Variants in NPM2 observed in about 807,000 individuals in gnomAD.
NPM2 encodes the protein nucleoplasmin-2.
In NPM2, 25 loss-of-function variants were observed where a neutral mutation model predicts 32.0. That is an observed-to-expected ratio of 0.78 (90% CI 0.57 to 1.09). NPM2 has a LOEUF of 1.09. NPM2 is among the 50% of genes least tolerant of loss of function. The pLI is 0.00. For synonymous variants in NPM2, 111 were observed against 94.2 expected, an observed-to-expected ratio of 1.18 and a Z score of -1.04; for missense variants, 282 against 259.9, an observed-to-expected ratio of 1.08 and a Z score of -0.58.
At chr8:22,028,896 T>C (rs887154391) in intron 5 of NPM2, among the ~76,000 whole-genome samples, 3 of 152,198 alleles carry the variant, frequency 2.0e-5, no homozygotes, top group African/African-American at 4.8e-5. Flanking sequence ...TGTAATTGGA[T>C]TTGTGGCATG....
At position 22,025,724 on chromosome 8, in the gene NPM2, GA is replaced by G; in HGVS notation, c.223del (p.Met75CysfsTer20). Reference protein sequence around the residue: ...LPPANQEDKKMQPVTIASLQA... With the variant: ...LPPANQEDKKXQPVTIASLQA... Reference sequence around the variant, plus strand: ...CCCCAGCAAACCAGGAGGACAAGAAGATGCAGCCGGTCACCATTGCCTCACT... The same window carrying G: ...CCCCAGCAAACCAGGAGGACAAGAAGTGCAGCCGGTCACCATTGCCTCACT... On this transcript the variant is annotated frameshift_variant, in exon 5 of 10. Coordinates refer to ENST00000518119, the MANE Select transcript of NPM2 (RefSeq NM_001286680.2). LOFTEE classifies it high-confidence loss of function. 1 of 1,614,188 alleles carries G rather than the reference GA, an allele frequency of 6.2e-7. No homozygotes were observed. Among genetic ancestry groups the G allele is most frequent in the African/African-American group, 1.3e-5 (1 of 75,038 alleles).
intron 5 of NPM2, among the ~76,000 whole-genome samples, chr8:22,028,517 A>T (rs1350457448): frequency 6.9e-6 from 1 of 145,530 alleles, no homozygotes; most frequent in Non-Finnish European, 1.5e-5. Context: ...TTTAGTAGAG[A>T]CGGGGTTTCA....
chr8:22,034,031 G>C (rs749991465), intron 6 of NPM2, 78 bp from the exon 7 acceptor site: 237 of 1,527,030 alleles, frequency 1.6e-4, no homozygotes, highest in Middle Eastern at 4.9e-4. Context: ...GGAGCAACAC[G>C]GATCACAGAA....
chr8:22,024,842 T>G lies in NPM2; in HGVS notation c.-34+12T>G, dbSNP rs927783209. ...GCGGAGCAGCGACAGTAAGGCTGTG[T>G]GGGGGGAGCTGGGACCTAAGCCGCG... On this transcript the variant is annotated intron_variant, in intron 2 of 9. Coordinates refer to ENST00000518119, the MANE Select transcript of NPM2 (RefSeq NM_001286680.2). The G allele has an allele frequency of 2.7e-5, 5 of 185,120 alleles. No homozygotes were observed. The highest frequency in any genetic ancestry group is 2.5e-4 in the South Asian group (2 of 8,078). 11.5% of individuals were successfully genotyped at this position (185,120 alleles called of 1,614,324 possible). A position where few individuals can be genotyped will look rare whatever the true frequency, so the allele number is the denominator to read the frequency against.
chr8:22,025,126 A>G, intron 2 of NPM2, 90 bp from the exon 3 acceptor site: 3 of 1,117,884 alleles, frequency 2.7e-6, no homozygotes, highest in Non-Finnish European at 3.8e-6. Context: ...GCGACCCCTC[A>G]GTACCTGCCG....
At chr8:22,035,054 G>C (rs1800574472) in intron 8 of NPM2, among the ~76,000 whole-genome samples, 2 of 152,176 alleles carry the variant, frequency 1.3e-5, no homozygotes, top group Non-Finnish European at 2.9e-5. Flanking sequence ...AGTGAGCCGA[G>C]ATCGTGCCAC....
At chr8:22,032,052 T>A (rs1175751820) in intron 5 of NPM2, among the ~76,000 whole-genome samples, 1 of 152,204 alleles carries the variant, frequency 6.6e-6, no homozygotes, top group Non-Finnish European at 1.5e-5. Flanking sequence ...TGTAAGTTAT[T>A]CACTCTAAGT....
rs775265720 is a variant in NPM2 at position 22,025,655 on chromosome 8, G to T, written c.153G>T (p.Leu51Phe). The T allele has an allele frequency of 8.1e-6, 13 of 1,614,192 alleles. No individual in the cohort carries two copies. The highest frequency in any genetic ancestry group is 1.7e-4 in the Middle Eastern group (1 of 6,060). The change falls in exon 5 of 10, where the codon TTG becomes TTT. Residue 51 changes from leucine to phenylalanine, a missense_variant. Physicochemically the swap from Leu to Phe is conservative, Grantham distance 22. Transcript: ENST00000518119. Reference sequence around the variant, plus strand: ...TTTTCAACCCCGCTCAGATTTGCTTGGGGGAGAAAGCCAAAGAGGAGATGC... The same window carrying T: ...TTTTCAACCCCGCTCAGATTTGCTTTGGGGAGAAAGCCAAAGAGGAGATGC... ...SCRLLLHTIC[L>F]GEKAKEEMHR...
At chr8:22,027,131 C>CTT (rs545524984) in intron 5 of NPM2, among the ~76,000 whole-genome samples, 5 of 151,916 alleles carry the variant, frequency 3.3e-5, no homozygotes, top group Non-Finnish European at 5.9e-5. Flanking sequence ...ATATTGAGCC[C>CTT]TTTTTTTTAC....
At chr8:22,026,454 C>CTTTTTTTTTTTTTTTTT (rs1171179196) in intron 5 of NPM2, among the ~76,000 whole-genome samples, 3 of 111,418 alleles carry the variant, frequency 2.7e-5, no homozygotes, top group Non-Finnish European at 5.4e-5. Context: ...CAGTTCTTGC[C>CTTTTTTTTTTTTTTTTT]TTTTTTTTTT....
Position 22,034,533 on chromosome 8 carries a change from A to G in NPM2, c.555A>G (p.Glu185=), listed in dbSNP as rs757125644. The stretch of plus-strand genomic sequence containing the variant: ...AGAAAAAAAAGCTGGAAAAAGAAGA[A>G]GAGGAAATAAGGTAACTCTTTCTAC... The part of the protein sequence containing the change: ...VAKKKKLEKE[E]EEIRASVRDK... Residue 185 remains glutamate (E), a synonymous_variant, in exon 8 of 10, where the codon GAA becomes GAG. Transcript: ENST00000518119. 1.2e-6 allele frequency: 2 copies of G among 1,611,630 alleles called. No homozygotes were observed. The highest frequency in any genetic ancestry group is 1.7e-5 in the Admixed American group (1 of 59,890).
chr8:22,034,081 C>G lies in NPM2; in HGVS notation c.365-28C>G, dbSNP rs376142738. 1.9e-6 allele frequency: 3 copies of G among 1,561,372 alleles called. No individual in the cohort carries two copies. In the African/African-American group the frequency reaches 4.1e-5, roughly 21 times the overall value. On this transcript the variant is annotated intron_variant, in intron 6 of 9. Transcript: ENST00000518119. ...TGATTCTGTAGCTCTGAAGCTGTGCCCCTGCATCCTTTCCCATGCTATTAC... is the reference window on the plus strand; with the variant it reads ...TGATTCTGTAGCTCTGAAGCTGTGCGCCTGCATCCTTTCCCATGCTATTAC...
Position 22,024,850 on chromosome 8 carries a change from G to A in NPM2, c.-34+20G>A, listed in dbSNP as rs527487462. 1.1e-4 allele frequency: 21 copies of A among 195,376 alleles called. No homozygotes were observed. The highest frequency in any genetic ancestry group is 5.4e-4 in the South Asian group (5 of 9,196). The allele number at this position is 195,376 out of a possible 1,614,324, so 12.1% of individuals were successfully genotyped here. A position where few individuals can be genotyped will look rare whatever the true frequency, so the allele number is the denominator to read the frequency against. The stretch of plus-strand genomic sequence containing the variant: ...GCGACAGTAAGGCTGTGTGGGGGGA[G>A]CTGGGACCTAAGCCGCGCGCACACC... On this transcript the variant is annotated intron_variant, in intron 2 of 9. Coordinates refer to ENST00000518119, the MANE Select transcript of NPM2 (RefSeq NM_001286680.2).
At chr8:22,032,705 G>A (rs1810592522) in intron 5 of NPM2, among the ~76,000 whole-genome samples, 1 of 152,158 alleles carries the variant, frequency 6.6e-6, no homozygotes, top group Admixed American at 6.5e-5. Flanking sequence ...GGGCAGGAGA[G>A]TGGAGAGAAA....
chr8:22,034,344 C>T, intron 7 of NPM2, 69 bp downstream of exon 7: 19 of 1,482,430 alleles, frequency 1.3e-5, no homozygotes, highest in Non-Finnish European at 1.6e-5. Context: ...AGGGGTGGGC[C>T]ACCGGGAGCC....
At chr8:22,033,849 C>T (rs935852628) in intron 6 of NPM2, among the ~76,000 whole-genome samples, 3 of 152,194 alleles carry the variant, frequency 2.0e-5, no homozygotes, top group East Asian at 3.9e-4. Flanking sequence ...CCAGCCAGAG[C>T]CACTTCCCCT....
In NPM2 at chr8:22,033,113, G is replaced by T. The variant is rs1800493822; in HGVS notation, c.271-17G>T. On this transcript the variant is annotated splice_polypyrimidine_tract_variant and intron_variant, in intron 5 of 9. Transcript: ENST00000518119. The stretch of plus-strand genomic sequence containing the variant: ...AGGCCTAAGTGGCCCTGTCTTCTCT[G>T]CTTCCTCCCCCTGCAGGTCTCCATG... 1 of 1,605,746 alleles carries T rather than the reference G, an allele frequency of 6.2e-7. No individual in the cohort carries two copies. Among genetic ancestry groups the T allele is most frequent in the Admixed American group, 1.7e-5 (1 of 59,990 alleles).
Position 22,025,236 on chromosome 8 carries a change from TCTGCCCG to T in NPM2, c.-12_-6del. 6.2e-7 allele frequency: 1 copy of T among 1,610,348 alleles called. No homozygotes were observed. The highest frequency in any genetic ancestry group is 8.5e-7 in the Non-Finnish European group (1 of 1,178,998). On this transcript the variant is annotated 5_prime_UTR_variant, in exon 3 of 10. Coordinates refer to ENST00000518119, the MANE Select transcript of NPM2 (RefSeq NM_001286680.2). ...TGCAGCTGCCCGGCCAGCCCGCTTC[TCTGCCCG>T]GAGCCATGAATCTCAGTAGCGCCAG...
At chr8:22,036,472 C>G in intron 8 of NPM2, 21 bp from the exon 9 acceptor site, 1 of 1,600,470 alleles carries the variant, frequency 6.2e-7, no homozygotes, top group South Asian at 1.1e-5. Flanking sequence ...CCCACTCCTG[C>G]TCCGCTCCAC....
Sources: allele counts gnomAD v4.1 joint callset (sites outside exome capture counted in the v4.1 genomes callset), GRCh38; gene constraint gnomAD v4.1.1; transcripts MANE v1.5; gene names NCBI Gene and HGNC (gene_info 2026-07-23, HGNC 2026-07-21).